The following ANKRD22 variants were observed in gnomAD, a reference collection of about 807,000 sequenced individuals.
ANKRD22 encodes ankyrin repeat domain-containing protein 22.
Under a neutral mutation model 25.7 loss-of-function variants are expected in ANKRD22, and 24 were observed. That is an observed-to-expected ratio of 0.93 (90% CI 0.68 to 1.31). ANKRD22 has a LOEUF of 1.31. ANKRD22 is among the 50% of genes most tolerant of loss of function. The pLI, the probability that ANKRD22 is intolerant of heterozygous loss-of-function variation, is 0.00. For synonymous variants in ANKRD22, 84 were observed against 84.3 expected, an observed-to-expected ratio of 1.00 and a Z score of 0.02; for missense variants, 214 against 227.1, an observed-to-expected ratio of 0.94 and a Z score of 0.37.
At chr10:88,851,483 A>C (rs1448994850) in intron 1 of ANKRD22, 104 bp downstream of exon 1, 28 of 1,319,242 alleles carry the variant, frequency 2.1e-5, no homozygotes, top group Non-Finnish European at 2.7e-5. Context: ...CAGGGAGTTG[A>C]ACAGACAAAA....
chr10:88,838,719 A>G (rs553322533), intron 1 of ANKRD22, among the ~76,000 whole-genome samples: 4 of 152,058 alleles, frequency 2.6e-5, no homozygotes, highest in Non-Finnish European at 5.9e-5. Context: ...GACAGAAGGG[A>G]GAATGTAGAG....
chr10:88,827,847 CTT>C (rs1427774469), intron 3 of ANKRD22, among the ~76,000 whole-genome samples: 1 of 152,148 alleles, frequency 6.6e-6, no homozygotes, highest in African/African-American at 2.4e-5. Context: ...TTATGCATCT[CTT>C]GAGTCATGTC....
chr10:88,839,354 T>C (rs750556570), intron 1 of ANKRD22, among the ~76,000 whole-genome samples: 27 of 152,176 alleles, frequency 1.8e-4, no homozygotes, highest in Non-Finnish European at 3.2e-4. Flanking sequence ...TCTATGACTT[T>C]TACCTGGTTT....
intron 1 of ANKRD22, among the ~76,000 whole-genome samples, chr10:88,848,420 C>T (rs964959005): frequency 1.3e-5 from 2 of 151,970 alleles, no homozygotes; most frequent in Non-Finnish European, 2.9e-5. Context: ...AAATTACTTT[C>T]AATATACAAG....
intron 3 of ANKRD22, among the ~76,000 whole-genome samples, 166 bp downstream of exon 3, chr10:88,828,393 T>C (rs1428974599): frequency 6.6e-6 from 1 of 152,248 alleles, no homozygotes; most frequent in Non-Finnish European, 1.5e-5. Context: ...CTTGCTGTAC[T>C]TCAATTATAG....
chr10:88,846,579 A>G (rs1844050913), intron 1 of ANKRD22, among the ~76,000 whole-genome samples: 1 of 152,182 alleles, frequency 6.6e-6, no homozygotes, highest in South Asian at 2.1e-4. Context: ...TGTTGTGAAA[A>G]CAATCACAAA....
intron 2 of ANKRD22, 149 bp downstream of exon 2, chr10:88,831,686 A>T: frequency 1.5e-6 from 1 of 672,172 alleles, no homozygotes; most frequent in Non-Finnish European, 2.3e-6. Context: ...TGTCCTTGGT[A>T]TGTGTCAGTC....
intron 1 of ANKRD22, among the ~76,000 whole-genome samples, chr10:88,836,172 C>G (rs571946487): frequency 6.6e-6 from 1 of 152,260 alleles, no homozygotes; most frequent in Non-Finnish European, 1.5e-5. Flanking sequence ...CTACCACTGT[C>G]TTATCCACAC....
At position 88,831,818 on chromosome 10, in the gene ANKRD22, T is replaced by G. The variant is rs778588993; in HGVS notation, c.213+17A>C. 4.5e-5 allele frequency: 72 copies of G among 1,585,566 alleles called. No homozygotes were observed. Among genetic ancestry groups the G allele is most frequent in the Middle Eastern group, 3.4e-4 (2 of 5,920 alleles). Reference sequence around the variant, plus strand: ...TATCATGAACAATTACACTCTCCATTCATGTCATGACCTCACCTGGTTTTT... The same window carrying G: ...TATCATGAACAATTACACTCTCCATGCATGTCATGACCTCACCTGGTTTTT... On this transcript the variant is annotated intron_variant, in intron 2 of 5. Transcript: ENST00000371930.
chr10:88,849,213 G>C (rs931552504), intron 1 of ANKRD22, among the ~76,000 whole-genome samples: 1 of 152,096 alleles, frequency 6.6e-6, no homozygotes, highest in Non-Finnish European at 1.5e-5. Flanking sequence ...ACTCTTTTAA[G>C]TTCTCAGCAT....
intron 1 of ANKRD22, among the ~76,000 whole-genome samples, chr10:88,839,446 C>T (rs191711033): frequency 1.4e-4 from 22 of 152,210 alleles, no homozygotes; most frequent in African/African-American, 4.3e-4. Context: ...GGTCAATTTC[C>T]TCACTTCTAT....
intron 2 of ANKRD22, 78 bp downstream of exon 2, chr10:88,831,757 C>T (rs1843905188): frequency 1.4e-6 from 2 of 1,393,312 alleles, no homozygotes; most frequent in African/African-American, 1.5e-5. Context: ...TAAAAAATGA[C>T]ATGCACCACT....
intron 1 of ANKRD22, among the ~76,000 whole-genome samples, chr10:88,845,687 A>T (rs1189808226): frequency 2.0e-5 from 3 of 152,092 alleles, no homozygotes; most frequent in African/African-American, 7.2e-5. Flanking sequence ...AATTTATCTA[A>T]AATTCACCCA....
chr10:88,829,095 T>C (rs1382819750), intron 2 of ANKRD22, among the ~76,000 whole-genome samples: 1 of 152,236 alleles, frequency 6.6e-6, no homozygotes, highest in Non-Finnish European at 1.5e-5. Context: ...TGGCTGTTTT[T>C]CATGTTCCTT....
chr10:88,830,778 G>A (rs1265549566), intron 2 of ANKRD22, among the ~76,000 whole-genome samples: 1 of 151,980 alleles, frequency 6.6e-6, no homozygotes, highest in Non-Finnish European at 1.5e-5. Context: ...GTTTCCTAAC[G>A]AGCGCACCTC....
chr10:88,835,144 A>G (rs535937889), intron 1 of ANKRD22, among the ~76,000 whole-genome samples: 17 of 152,268 alleles, frequency 1.1e-4, no homozygotes, highest in Non-Finnish European at 1.5e-5. Flanking sequence ...TAGGCTTCTC[A>G]AAGTCTTTAC....
intron 1 of ANKRD22, among the ~76,000 whole-genome samples, chr10:88,849,452 T>C (rs886599854): frequency 5.3e-5 from 8 of 152,232 alleles, no homozygotes; most frequent in Admixed American, 2.0e-4. Flanking sequence ...AAAAATTTAG[T>C]AGTTCAGCAG....
At chr10:88,828,738 A>AT in intron 2 of ANKRD22, 72 bp from the exon 3 acceptor site, 1 of 1,180,398 alleles carries the variant, frequency 8.5e-7, no homozygotes, top group Non-Finnish European at 1.2e-6. Context: ...GGCCATCTCA[A>AT]AAAGTTTAGT....
chr10:88,844,279 C>T (rs543188000), intron 1 of ANKRD22, among the ~76,000 whole-genome samples: 1 of 152,176 alleles, frequency 6.6e-6, no homozygotes, highest in Non-Finnish European at 1.5e-5. Flanking sequence ...ATTTGGGAAG[C>T]AAATGGGACC....
Sources: gnomAD v4.1 joint callset for allele counts (sites outside exome capture counted in the v4.1 genomes callset) on GRCh38, gnomAD v4.1.1 for gene constraint, MANE v1.5 for transcripts, NCBI Gene and HGNC (gene_info 2026-07-23, HGNC 2026-07-21) for gene names.